Variants in MBD2 observed in about 807,000 individuals in gnomAD.
The protein encoded by MBD2 is methyl-CpG-binding domain protein 2.
MBD2 carries 9 observed loss-of-function variants against 39.3 expected under a neutral mutation model. The ratio of observed to expected loss-of-function variants is 0.23; its 90% CI spans 0.14 to 0.40. The LOEUF is 0.40. Among genes scored for constraint, MBD2 ranks in the 10% least tolerant of loss-of-function variants. MBD2 has a pLI of 1.00. For missense variants in MBD2, 458 were observed against 532.6 expected (o/e 0.86, Z 1.38); for synonymous variants, 233 against 211.1 (o/e 1.10, Z -0.90).
rs56278414 is a variant in MBD2 at position 54,208,537 on chromosome 18, T to C, written c.543-3380A>G. Among the ~76,000 whole-genome samples the C allele has an allele frequency of 5.0e-3, 766 of 152,278 alleles. 5 individuals are homozygous for C. The highest frequency in any genetic ancestry group is 5.8e-3 in the Non-Finnish European group (396 of 68,016). On this transcript the variant is annotated intron_variant, in intron 1 of 6. Transcript: ENST00000256429. ...AATTCTCAATCAGCTGTCTCTCACA[T>C]AGATCTCTTTTGTGCAATAAAAAAC...
chr18:54,163,677 A>T (rs1179736576), intron 5 of MBD2, among the ~76,000 whole-genome samples: 1 of 152,064 alleles, frequency 6.6e-6, no homozygotes, highest in East Asian at 1.9e-4. Context: ...ATGTCAGTAG[A>T]CATAGTTTGT....
chr18:54,194,872 T>G (rs1158764026), intron 2 of MBD2, among the ~76,000 whole-genome samples: 1 of 152,096 alleles, frequency 6.6e-6, no homozygotes, highest in Non-Finnish European at 1.5e-5. Flanking sequence ...AAGCAAGTAA[T>G]TGTACTTGTG....
At chr18:54,189,936 T>A (rs111985166) in intron 2 of MBD2, among the ~76,000 whole-genome samples, 4,846 of 152,102 alleles carry the variant, frequency 0.032, 257 homozygotes, top group African/African-American at 0.11. Flanking sequence ...GGTGTGAGCC[T>A]CCACACCTGG....
intron 3 of MBD2, among the ~76,000 whole-genome samples, chr18:54,168,613 TTGTGTGTGTGTGTGTGTG>T (rs60604906): frequency 0.031 from 3,581 of 117,194 alleles, 289 homozygotes; most frequent in African/African-American, 0.11. Flanking sequence ...GTATGCATAT[TTGTGTGTGTGTGTGTGTG>T]TGTGTGTGTG....
At chr18:54,176,507 G>T (rs1194444845) in intron 3 of MBD2, among the ~76,000 whole-genome samples, 1 of 152,118 alleles carries the variant, frequency 6.6e-6, no homozygotes, top group Non-Finnish European at 1.5e-5. Context: ...TCACATAATT[G>T]TCGATTAAAG....
At chr18:54,157,800 C>T (rs1364629341) in intron 6 of MBD2, among the ~76,000 whole-genome samples, 1 of 152,158 alleles carries the variant, frequency 6.6e-6, no homozygotes, top group Non-Finnish European at 1.5e-5. Flanking sequence ...CAAGTGATGG[C>T]TCAAGTGAAA....
chr18:54,154,678 C>T lies in MBD2; in HGVS notation c.*646G>A, dbSNP rs574137434. The T allele has an allele frequency of 5.2e-5, 8 of 152,430 alleles. No individual in the cohort carries two copies. Among genetic ancestry groups the T allele is most frequent in the South Asian group, 2.1e-4 (1 of 4,830 alleles). The allele number at this position is 152,430 out of a possible 1,614,324, so 9.4% of individuals were successfully genotyped here. On this transcript the variant is annotated 3_prime_UTR_variant, in exon 7 of 7. Coordinates refer to ENST00000256429, the MANE Select transcript of MBD2 (RefSeq NM_003927.5). ...TCTGGTGAAAGCACAATTCTCACAA[C>T]GTCCAGAGGCAATAGTTCATACTGC... is the stretch of plus-strand genomic sequence containing the variant.
At chr18:54,222,587 C>T (rs936522740) in intron 1 of MBD2, among the ~76,000 whole-genome samples, 6 of 152,224 alleles carry the variant, frequency 3.9e-5, no homozygotes, top group African/African-American at 1.2e-4. Context: ...CTCGCCCCAG[C>T]CCCGTAACTG....
chr18:54,204,876 G>A, intron 2 of MBD2, 122 bp downstream of exon 2: 2 of 835,536 alleles, frequency 2.4e-6, no homozygotes, highest in South Asian at 1.6e-5. Flanking sequence ...AGGGTGGGCA[G>A]GGTATGGGGA....
In MBD2 at chr18:54,172,731, CTTA is replaced by C. The variant is rs570309661; in HGVS notation, c.841-6568_841-6566del. ...CAACCCTGAGGACGGGAATATCTAACTTATTAGCAGAGTGAATGGGATTGGGTT... is the reference window on the plus strand; with the variant it reads ...CAACCCTGAGGACGGGAATATCTAACTTAGCAGAGTGAATGGGATTGGGTT... On this transcript the variant is annotated intron_variant, in intron 3 of 6. Transcript: ENST00000256429. Among the ~76,000 whole-genome samples, 332 of 152,288 alleles carry C rather than the reference CTTA, an allele frequency of 2.2e-3. 1 individual carries two copies. The highest frequency in any genetic ancestry group is 7.6e-3 in the African/African-American group (316 of 41,546).
rs1360333610 is a variant in MBD2 at position 54,224,384 on chromosome 18, C to T, written c.176G>A (p.Arg59His). The change falls in exon 1 of 7, where the codon CGT becomes CAT. Residue 59 changes from arginine (R) to histidine (H), a missense_variant. By Grantham distance (29) the Arg-to-His change is conservative. Around this residue, in one of 2 missense-constraint regions of MBD2, gnomAD observed 269 missense variants for 236.0 expected, o/e 1.14. Transcript: ENST00000256429. ...VRREGARGGG[R>H]GRGRWKQAGR... ...CGCCTGCTTCCACCGCCCCCGGCCA[C>T]GGCCGCCGCCCCGAGCGCCTTCCCT... is the stretch of plus-strand genomic sequence containing the variant. 1 of 1,230,680 alleles carries T rather than the reference C, an allele frequency of 8.1e-7. No individual in the cohort carries two copies. Among genetic ancestry groups the T allele is most frequent in the Non-Finnish European group, 1.0e-6 (1 of 985,094 alleles). 76.2% of individuals were successfully genotyped at this position (1,230,680 alleles called of 1,614,324 possible).
At chr18:54,223,181 G>C (rs993428878) in intron 1 of MBD2, among the ~76,000 whole-genome samples, 1 of 152,176 alleles carries the variant, frequency 6.6e-6, no homozygotes, top group African/African-American at 2.4e-5. Flanking sequence ...AGCTTACTGG[G>C]TCACACAAAC....
At chr18:54,195,025 T>C (rs903133001) in intron 2 of MBD2, among the ~76,000 whole-genome samples, 3 of 152,012 alleles carry the variant, frequency 2.0e-5, no homozygotes, top group Non-Finnish European at 2.9e-5. Flanking sequence ...AGGTTGACTA[T>C]AAAGGAGAAT....
intron 2 of MBD2, among the ~76,000 whole-genome samples, chr18:54,190,362 G>C (rs2086312239): frequency 6.6e-6 from 1 of 152,140 alleles, no homozygotes; most frequent in African/African-American, 2.4e-5. Context: ...ACATCCCAGT[G>C]ATAAGTGCAC....
At chr18:54,199,695 T>A (rs990655442) in intron 2 of MBD2, among the ~76,000 whole-genome samples, 2 of 152,186 alleles carry the variant, frequency 1.3e-5, no homozygotes, top group African/African-American at 4.8e-5. Context: ...TCTCTTTGTG[T>A]AACCATCAGG....
intron 1 of MBD2, among the ~76,000 whole-genome samples, chr18:54,206,277 A>T (rs893073639): frequency 4.6e-5 from 7 of 152,150 alleles, no homozygotes; most frequent in South Asian, 2.1e-4. Context: ...TTCCTAAAAA[A>T]TTTTTTTCCT....
chr18:54,208,729 C>T (rs528785960), intron 1 of MBD2, among the ~76,000 whole-genome samples: 83 of 152,260 alleles, frequency 5.5e-4, no homozygotes, highest in Non-Finnish European at 1.1e-3. Context: ...ACAAATTAAA[C>T]CTGCAATAAG....
intron 1 of MBD2, among the ~76,000 whole-genome samples, chr18:54,221,539 G>A (rs867531149): frequency 2.3e-4 from 35 of 151,556 alleles, no homozygotes; most frequent in African/African-American, 5.8e-4. Flanking sequence ...TCCCAGCACT[G>A]GCCGAGGCAG....
chr18:54,200,743 G>A (rs1478373298), intron 2 of MBD2, among the ~76,000 whole-genome samples: 1 of 149,286 alleles, frequency 6.7e-6, no homozygotes, highest in Non-Finnish European at 1.5e-5. Context: ...CTGTTCAATA[G>A]GATAGTGACT....
Sources: allele counts gnomAD v4.1 joint callset (sites outside exome capture counted in the v4.1 genomes callset), GRCh38; gene constraint gnomAD v4.1.1; regional missense constraint gnomAD v4.1.1; transcripts MANE v1.5; gene names NCBI Gene and HGNC (gene_info 2026-07-23, HGNC 2026-07-21).